The following FAM227B variants were observed in gnomAD, a reference collection of about 807,000 sequenced individuals.
The protein encoded by FAM227B is protein FAM227B.
Under a neutral mutation model 73.8 loss-of-function variants are expected in FAM227B, and 88 were observed. That is an observed-to-expected ratio of 1.19 (90% CI 1.00 to 1.42). FAM227B has a LOEUF of 1.42. Ranked by LOEUF, FAM227B falls within the 40% of genes most tolerant of loss-of-function variation. FAM227B has a pLI of 0.00. For synonymous variants in FAM227B, 210 were observed against 190.5 expected, an observed-to-expected ratio of 1.10 and a Z score of -0.84; for missense variants, 632 against 590.9, an observed-to-expected ratio of 1.07 and a Z score of -0.72.
chr15:49,329,580 A>G lies in FAM227B; in HGVS notation c.1420-905T>C, dbSNP rs1355046017. 3.0e-6 allele frequency: 3 copies of G among 984,236 alleles called. No individual in the cohort carries two copies. In the African/African-American group the frequency reaches 5.2e-5, roughly 17 times the overall value. 61.0% of individuals were successfully genotyped at this position (984,236 alleles called of 1,614,324 possible). A position where few individuals can be genotyped will look rare whatever the true frequency, so the allele number is the denominator to read the frequency against. On this transcript the variant is annotated intron_variant, in intron 15 of 15. Coordinates refer to ENST00000299338, the MANE Select transcript of FAM227B (RefSeq NM_152647.3). The stretch of plus-strand genomic sequence containing the variant: ...TACATAGAATACTAGGAAAGCCAAT[A>G]TTCTATTTAAAAATAAACTTCTGAT...
At position 49,549,322 on chromosome 15, in the gene FAM227B, T is replaced by TATTTA. The variant is rs146450513; in HGVS notation, c.748-7517_748-7516insTAAAT. Among the ~76,000 whole-genome samples, 17 of 147,776 alleles carry TATTTA rather than the reference T, an allele frequency of 1.2e-4. 1 individual carries two copies. Among genetic ancestry groups the TATTTA allele is most frequent in the Admixed American group, 8.7e-4 (13 of 14,884 alleles). Reference sequence around the variant, plus strand: ...CTTCTCTTATTGATTTGCATATGTATTTTATTTATTTATTTATTTTTATTG... The same window carrying TATTTA: ...CTTCTCTTATTGATTTGCATATGTATATTTATTTATTTATTTATTTATTTTTATTG... On this transcript the variant is annotated intron_variant, in intron 9 of 15. Coordinates refer to ENST00000299338, the MANE Select transcript of FAM227B (RefSeq NM_152647.3).
intron 11 of FAM227B, among the ~76,000 whole-genome samples, chr15:49,461,179 C>G (rs1402296208): frequency 6.6e-6 from 1 of 152,180 alleles, no homozygotes; most frequent in Non-Finnish European, 1.5e-5. Flanking sequence ...AGTGACAGAT[C>G]TTTTCTCTTC....
At chr15:49,465,487 T>C (rs2151945273) in intron 11 of FAM227B, among the ~76,000 whole-genome samples, 1 of 152,224 alleles carries the variant, frequency 6.6e-6, no homozygotes, top group East Asian at 1.9e-4. Flanking sequence ...ATAGATATGC[T>C]ATCTTACAGA....
At chr15:49,350,609 G>T (rs942937798) in intron 13 of FAM227B, among the ~76,000 whole-genome samples, 1 of 152,070 alleles carries the variant, frequency 6.6e-6, no homozygotes, top group Non-Finnish European at 1.5e-5. Flanking sequence ...AAGAACAAAT[G>T]GTTCATCTCT....
At chr15:49,449,114 T>G (rs1456874864) in intron 11 of FAM227B, among the ~76,000 whole-genome samples, 1 of 151,914 alleles carries the variant, frequency 6.6e-6, no homozygotes, top group Admixed American at 6.6e-5. Flanking sequence ...AAACAGAGAC[T>G]TGAATGATAC....
At chr15:49,593,780 T>A (rs1479508541) in intron 3 of FAM227B, among the ~76,000 whole-genome samples, 2 of 152,370 alleles carry the variant, frequency 1.3e-5, no homozygotes, top group Admixed American at 1.3e-4. Context: ...TTCCTTTTTA[T>A]GGCTGAGTAG....
intron 13 of FAM227B, among the ~76,000 whole-genome samples, chr15:49,356,045 G>A (rs1203196223): frequency 6.6e-6 from 1 of 151,526 alleles, no homozygotes; most frequent in African/African-American, 2.4e-5. Flanking sequence ...AATGCTGAGA[G>A]ATTTTCTCAC....
At chr15:49,574,559 C>G (rs2075325959) in intron 8 of FAM227B, among the ~76,000 whole-genome samples, 1 of 152,162 alleles carries the variant, frequency 6.6e-6, no homozygotes, top group African/African-American at 2.4e-5. Context: ...TTTCCTGAGG[C>G]CTCCACACCA....
intron 10 of FAM227B, among the ~76,000 whole-genome samples, chr15:49,530,756 C>G (rs1203735636): frequency 6.6e-6 from 1 of 151,190 alleles, no homozygotes; most frequent in African/African-American, 2.4e-5. Context: ...ATATGTTAGA[C>G]AAAAAAGAAT....
At chr15:49,516,381 G>A (rs1443307033) in intron 10 of FAM227B, among the ~76,000 whole-genome samples, 1 of 151,864 alleles carries the variant, frequency 6.6e-6, no homozygotes, top group African/African-American at 2.4e-5. Context: ...TGATTTTATG[G>A]CAAAGTACTG....
chr15:49,337,356 G>T (rs531651638), intron 13 of FAM227B, among the ~76,000 whole-genome samples: 1 of 151,894 alleles, frequency 6.6e-6, no homozygotes, highest in East Asian at 1.9e-4. Flanking sequence ...AGCATCTATT[G>T]TTTTTTGACT....
At chr15:49,476,212 G>GTTTTTTTTTTTTTTTTTTTTTTTTTT (rs1567351529) in intron 11 of FAM227B, among the ~76,000 whole-genome samples, 1 of 81,248 alleles carries the variant, frequency 1.2e-5, no homozygotes, top group Admixed American at 1.3e-4. Context: ...TTATTTTGCT[G>GTTTTTTTTTTTTTTTTTTTTTTTTTT]TTTTGTTTTT....
In FAM227B at chr15:49,476,615, T is replaced by C. The variant is rs553588462; in HGVS notation, c.1012+31596A>G. The stretch of plus-strand genomic sequence containing the variant: ...TTTTAATAGTAATTAATAAATCACA[T>C]ATGTTCTATATATTTTGGACATAAA... On this transcript the variant is annotated intron_variant, in intron 11 of 15. Coordinates refer to ENST00000299338, the MANE Select transcript of FAM227B (RefSeq NM_152647.3). Among the ~76,000 whole-genome samples, 4 of 151,670 alleles carry C rather than the reference T, an allele frequency of 2.6e-5. No homozygotes were observed. The South Asian group carries it at 8.3e-4, about 32-fold the overall frequency.
chr15:49,332,968 C>G (rs1465075187), intron 14 of FAM227B, among the ~76,000 whole-genome samples: 2 of 152,084 alleles, frequency 1.3e-5, no homozygotes, highest in African/African-American at 4.8e-5. Flanking sequence ...GCTGATTGCT[C>G]TTTAGGCTTC....
Position 49,576,854 on chromosome 15 carries a change from A to G in FAM227B, c.442-9T>C, listed in dbSNP as rs761104593. On this transcript the variant is annotated splice_polypyrimidine_tract_variant and intron_variant, in intron 6 of 15. Coordinates refer to ENST00000299338, the MANE Select transcript of FAM227B (RefSeq NM_152647.3). ...CCTGTGAAGCTGCAACCCTAGAAAG[A>G]GGAAAATATAACAGGAGAGTAAATA... 2 of 1,545,892 alleles carry G rather than the reference A, an allele frequency of 1.3e-6. No individual in the cohort carries two copies. The highest frequency in any genetic ancestry group is 1.7e-4 in the Middle Eastern group (1 of 5,856).
In FAM227B at chr15:49,371,390, A is replaced by C. The variant is rs371981118; in HGVS notation, c.1022T>G (p.Phe341Cys). 6 of 1,552,768 alleles carry C rather than the reference A, an allele frequency of 3.9e-6. No individual in the cohort carries two copies. In the African/African-American group the frequency reaches 6.9e-5, roughly 18 times the overall value. The part of the protein sequence containing the change: ...SQEHISTSID[F>C]NIIKILNNPR... The stretch of plus-strand genomic sequence containing the variant: ...GTTGTTCAGAATCTTTATAATATTG[A>C]AGTCGATACCTAAAACAGAAAATAA... The change falls in exon 12 of 16, where the codon TTC becomes TGC. Residue 341 changes from phenylalanine to cysteine, a missense_variant. Phe to Cys is a radical substitution (Grantham distance 205, BLOSUM62 -2). Coordinates refer to ENST00000299338, the MANE Select transcript of FAM227B (RefSeq NM_152647.3).
Position 49,430,289 on chromosome 15 carries a change from G to T in FAM227B, c.1013-58890C>A, listed in dbSNP as rs987321545. ...TCTGCATCTCTTCTGACACTTTAAA[G>T]TGGTGTTGCAGTAGGGTACTTGAAG... On this transcript the variant is annotated intron_variant, in intron 11 of 15. Coordinates refer to ENST00000299338, the MANE Select transcript of FAM227B (RefSeq NM_152647.3). Among the ~76,000 whole-genome samples the T allele has an allele frequency of 7.9e-5, 12 of 151,888 alleles. No homozygotes were observed. In the South Asian group the frequency reaches 1.0e-3, roughly 13 times the overall value.
At chr15:49,386,604 G>A (rs13380075) in intron 11 of FAM227B, among the ~76,000 whole-genome samples, 24,545 of 151,490 alleles carry the variant, frequency 0.16, 3,133 homozygotes, top group African/African-American at 0.35. Context: ...CTAGAGAAAC[G>A]AGAACAGACT....
At chr15:49,483,090 T>C in intron 11 of FAM227B, 1 of 910,092 alleles carries the variant, frequency 1.1e-6, no homozygotes, top group Non-Finnish European at 1.8e-6. Flanking sequence ...CAAATGGCCA[T>C]TCGTGGATCA....
Sources: gnomAD v4.1 joint callset for allele counts (sites outside exome capture counted in the v4.1 genomes callset) on GRCh38, gnomAD v4.1.1 for gene constraint, MANE v1.5 for transcripts, NCBI Gene and HGNC (gene_info 2026-07-23, HGNC 2026-07-21) for gene names.